PSD3: variants seen among roughly 807,000 people sequenced by gnomAD.
PSD3 encodes PH and SEC7 domain-containing protein 3.
A neutral mutation model predicts 105.5 loss-of-function variants in PSD3; 49 were observed. That is an observed-to-expected ratio of 0.46 (90% CI 0.37 to 0.59). The LOEUF (loss-of-function observed/expected upper bound fraction) is 0.59, where lower values mean the gene tolerates loss of function less well. Among genes scored for constraint, PSD3 ranks in the 20% least tolerant of loss-of-function variants. PSD3 has a pLI of 0.00. For synonymous variants in PSD3, 557 were observed against 457.8 expected, an observed-to-expected ratio of 1.22 and a Z score of -2.77; for missense variants, 1,561 against 1,263.8, an observed-to-expected ratio of 1.24 and a Z score of -3.57.
chr8:18,536,302 CG>C, intron 15 of PSD3, among the ~76,000 whole-genome samples: 2 of 152,272 alleles, frequency 1.3e-5, no homozygotes, highest in Middle Eastern at 6.8e-3. Flanking sequence ...CTCTGGTTTT[CG>C]GCGGCTGCAT....
chr8:19,021,420 G>A lies in PSD3; in HGVS notation c.324+62786C>T, dbSNP rs999695348. On this transcript the variant is annotated intron_variant, in intron 1 of 1. Transcript: ENST00000521475. ...TCAAGCTATGTTTTATGCCCAACCCGGTGTTACTAATACTCACTCCCAATT... is the reference window on the plus strand; with the variant it reads ...TCAAGCTATGTTTTATGCCCAACCCAGTGTTACTAATACTCACTCCCAATT... 5.3e-5 allele frequency among the ~76,000 whole-genome samples: 8 copies of A among 152,020 alleles called. No homozygotes were observed. The South Asian group carries it at 6.2e-4, about 12-fold the overall frequency.
chr8:18,881,461 T>C (rs548129084), intron 2 of PSD3, among the ~76,000 whole-genome samples: 2 of 152,350 alleles, frequency 1.3e-5, no homozygotes, highest in Admixed American at 1.3e-4. Flanking sequence ...TCTTCCACTC[T>C]GGCTAGCAAA....
At chr8:18,668,169 C>T (rs1799589102) in intron 9 of PSD3, among the ~76,000 whole-genome samples, 1 of 152,216 alleles carries the variant, frequency 6.6e-6, no homozygotes, top group African/African-American at 2.4e-5. Flanking sequence ...TCAAGCGCGG[C>T]CAGAGTGGGC....
chr8:18,808,399 G>A (rs370492869), intron 4 of PSD3, among the ~76,000 whole-genome samples: 3 of 152,192 alleles, frequency 2.0e-5, no homozygotes, highest in African/African-American at 7.2e-5. Context: ...AATACAAGAG[G>A]CTTATTCTAA....
chr8:19,046,882 G>C (rs1465271425), intron 1 of PSD3, among the ~76,000 whole-genome samples: 1 of 152,220 alleles, frequency 6.6e-6, no homozygotes, highest in Non-Finnish European at 1.5e-5. Context: ...AAACTGGGTA[G>C]TGACAGCAGC....
chr8:18,862,657 T>C (rs916603609), intron 4 of PSD3, among the ~76,000 whole-genome samples: 28 of 151,718 alleles, frequency 1.8e-4, no homozygotes, highest in Non-Finnish European at 3.1e-4. Flanking sequence ...TAATGTCACA[T>C]TATTTTAAAT....
intron 10 of PSD3, among the ~76,000 whole-genome samples, chr8:18,644,317 T>C (rs997027701): frequency 1.3e-5 from 2 of 152,230 alleles, no homozygotes; most frequent in Non-Finnish European, 1.5e-5. Context: ...TATCTTACTG[T>C]ATGTGGTTAA....
At chr8:18,561,652 C>A (rs777516068) in intron 14 of PSD3, among the ~76,000 whole-genome samples, 3 of 152,044 alleles carry the variant, frequency 2.0e-5, no homozygotes, top group Non-Finnish European at 4.4e-5. Context: ...ACAATTATAC[C>A]TGGAAATACA....
At chr8:18,978,285 G>C (rs1020726162) in intron 1 of PSD3, among the ~76,000 whole-genome samples, 5 of 152,218 alleles carry the variant, frequency 3.3e-5, no homozygotes, top group African/African-American at 1.2e-4. Context: ...AACGGACTCT[G>C]AGTGAACTGG....
chr8:18,576,817 C>G (rs1038660720), intron 12 of PSD3, among the ~76,000 whole-genome samples: 1 of 151,754 alleles, frequency 6.6e-6, no homozygotes, highest in Admixed American at 6.6e-5. Context: ...ACCTCCATTT[C>G]CATACATACT....
intron 1 of PSD3, among the ~76,000 whole-genome samples, chr8:19,048,012 A>G (rs1828386475): frequency 6.6e-6 from 1 of 151,866 alleles, no homozygotes; most frequent in Admixed American, 6.6e-5. Context: ...CCAATGACCA[A>G]CTTGTCGGCA....
intron 2 of PSD3, among the ~76,000 whole-genome samples, chr8:18,926,206 G>A (rs746539683): frequency 2.6e-5 from 4 of 151,916 alleles, no homozygotes; most frequent in Non-Finnish European, 5.9e-5. Flanking sequence ...AGGAATGAGG[G>A]TGATGCCACA....
chr8:18,870,811 T>C (rs978138347), intron 3 of PSD3, among the ~76,000 whole-genome samples: 4 of 151,974 alleles, frequency 2.6e-5, no homozygotes, highest in African/African-American at 7.2e-5. Context: ...TTTCAAAACA[T>C]AGGAAGGGCC....
intron 7 of PSD3, chr8:18,800,998 G>A (rs147034117): frequency 4.3e-6 from 1 of 230,148 alleles, no homozygotes; most frequent in Non-Finnish European, 8.3e-6. Flanking sequence ...AAGAGTAGAG[G>A]ATATCATGCT....
intron 13 of PSD3, 88 bp from the exon 14 acceptor site, chr8:18,572,760 G>A: frequency 7.0e-7 from 1 of 1,428,684 alleles, no homozygotes; most frequent in South Asian, 1.3e-5. Context: ...GATTTGCAAT[G>A]GCATGTGAAA....
At chr8:18,988,339 C>T (rs564155293) in intron 1 of PSD3, among the ~76,000 whole-genome samples, 2 of 152,262 alleles carry the variant, frequency 1.3e-5, no homozygotes, top group Admixed American at 6.5e-5. Context: ...GAATAAGACA[C>T]TCCTGCCTCT....
intron 11 of PSD3, among the ~76,000 whole-genome samples, chr8:18,612,074 A>G (rs148535509): frequency 6.5e-4 from 99 of 152,364 alleles, no homozygotes; most frequent in African/African-American, 2.2e-3. Flanking sequence ...AAGAAAAACA[A>G]GCTGTACGGA....
At chr8:18,562,338 G>T (rs1360143549) in intron 14 of PSD3, among the ~76,000 whole-genome samples, 1 of 152,330 alleles carries the variant, frequency 6.6e-6, no homozygotes, top group African/African-American at 2.4e-5. Flanking sequence ...AATTGCTCCA[G>T]TTCAGACAAA....
chr8:18,841,120 A>C, intron 4 of PSD3, among the ~76,000 whole-genome samples: 1 of 152,248 alleles, frequency 6.6e-6, no homozygotes, highest in Non-Finnish European at 1.5e-5. Context: ...TTTACAACCC[A>C]AACCACCTAC....
Sources: allele counts gnomAD v4.1 joint callset (sites outside exome capture counted in the v4.1 genomes callset), GRCh38; gene constraint gnomAD v4.1.1; transcripts MANE v1.5; gene names NCBI Gene and HGNC (gene_info 2026-07-23, HGNC 2026-07-21).